The following MC2R variants were observed in gnomAD, a reference collection of about 807,000 sequenced individuals.
MC2R encodes adrenocorticotropic hormone receptor.
A neutral mutation model predicts 9.8 loss-of-function variants in MC2R; 9 were observed. The observed-to-expected ratio is 0.92, with a 90% CI of 0.55 to 1.60. MC2R has a LOEUF of 1.60. Among genes scored for constraint, MC2R ranks in the 40% most tolerant of loss-of-function variants. The pLI, the probability that MC2R is intolerant of heterozygous loss-of-function variation, is 0.00. For synonymous variants in MC2R, 185 were observed against 154.7 expected (o/e 1.20, Z -1.45); for missense variants, 370 against 389.0 (o/e 0.95, Z 0.41).
chr18:13,901,170 A>C (rs1406616867), intron 1 of MC2R, among the ~76,000 whole-genome samples: 1 of 152,162 alleles, frequency 6.6e-6, no homozygotes, highest in Non-Finnish European at 1.5e-5. Context: ...AAATTAAATA[A>C]ATTGAAAAAT....
rs1053257976 is a variant in MC2R, at chr18:13,883,668, G to A, written c.*957C>T. ...TCTCTCTCTCTCTCTGTCTGTCTCT[G>A]TCTCTCTCTCTTTATTTCTTAAAAT... On this transcript the variant is annotated 3_prime_UTR_variant, in exon 2 of 2. Coordinates refer to ENST00000327606, the MANE Select transcript of MC2R (RefSeq NM_000529.2). 8.2e-6 allele frequency: 1 copy of A among 121,432 alleles called. No individual in the cohort carries two copies. Among genetic ancestry groups the A allele is most frequent in the Non-Finnish European group, 1.8e-5 (1 of 54,378 alleles). 7.5% of individuals were successfully genotyped at this position (121,432 alleles called of 1,614,324 possible). A position where few individuals can be genotyped will look rare whatever the true frequency, so the allele number is the denominator to read the frequency against.
rs571288709 is a variant in MC2R at position 13,894,945 on chromosome 18, C to T, written c.-128-9299G>A. Among the ~76,000 whole-genome samples, 265 of 152,356 alleles carry T rather than the reference C, an allele frequency of 1.7e-3. 1 individual carries two copies. The highest frequency in any genetic ancestry group is 2.9e-3 in the Non-Finnish European group (200 of 68,042). On this transcript the variant is annotated intron_variant, in intron 1 of 1. Transcript: ENST00000327606. ...ACACCACAGCGTGTTTTGTTCTTGG[C>T]TTGCGTGTGGCAGGCGACACTCTCT...
At position 13,884,689 on chromosome 18, in the gene MC2R, G is replaced by C; in HGVS notation, c.830C>G (p.Ala277Gly). 6.2e-7 allele frequency: 1 copy of C among 1,614,110 alleles called. No homozygotes were observed. The highest frequency in any genetic ancestry group is 8.5e-7 in the Non-Finnish European group (1 of 1,180,020). The change falls in exon 2 of 2, where the codon GCC becomes GGC. Residue 277 changes from alanine to glycine, a missense_variant. Physicochemically the swap from Ala to Gly is moderately conservative, Grantham distance 60. Transcript: ENST00000327606. Reference protein sequence around the residue: ...CNAVIDPFIYAFRSPELRDAF... With the variant: ...CNAVIDPFIYGFRSPELRDAF... ...GTCCCTGAGCTCTGGGCTCCGGAAG[G>C]CATATATGAAGGGGTCAATGACGGC... is the stretch of plus-strand genomic sequence containing the variant.
At chr18:13,908,123 T>A (rs919717792) in intron 1 of MC2R, among the ~76,000 whole-genome samples, 1 of 152,254 alleles carries the variant, frequency 6.6e-6, no homozygotes, top group African/African-American at 2.4e-5. Flanking sequence ...AAATATGGAC[T>A]CGACCTAAGT....
In MC2R at chr18:13,884,518, T is replaced by C. The variant is rs2045259429; in HGVS notation, c.*107A>G. On this transcript the variant is annotated 3_prime_UTR_variant, in exon 2 of 2. Transcript: ENST00000327606. The stretch of plus-strand genomic sequence containing the variant: ...CTGGTGGGATCATCCTTGCATCCAT[T>C]AGGGAAGGAAGGCCAGTGAGGAGCA... 8.1e-7 allele frequency: 1 copy of C among 1,231,138 alleles called. No homozygotes were observed. The highest frequency in any genetic ancestry group is 1.5e-5 in the African/African-American group (1 of 67,702). The allele number at this position is 1,231,138 out of a possible 1,614,324, so 76.3% of individuals were successfully genotyped here. A position where few individuals can be genotyped will look rare whatever the true frequency, so the allele number is the denominator to read the frequency against.
intron 1 of MC2R, among the ~76,000 whole-genome samples, chr18:13,899,648 C>A (rs2045367055): frequency 6.6e-6 from 1 of 152,118 alleles, no homozygotes; most frequent in Non-Finnish European, 1.5e-5. Flanking sequence ...AGTTTCAATA[C>A]ACCTGGCTCA....
chr18:13,910,080 C>T (rs1174949440), intron 1 of MC2R, among the ~76,000 whole-genome samples: 3 of 152,012 alleles, frequency 2.0e-5, no homozygotes, highest in Non-Finnish European at 4.4e-5. Context: ...GATCATTTGG[C>T]GTTAAGTTTT....
intron 1 of MC2R, among the ~76,000 whole-genome samples, chr18:13,892,850 C>T (rs1231055930): frequency 6.6e-6 from 1 of 150,564 alleles, no homozygotes; most frequent in Non-Finnish European, 1.5e-5. Context: ...ACACACACCA[C>T]ACACACACAT....
At chr18:13,911,309 G>A (rs950508051) in intron 1 of MC2R, among the ~76,000 whole-genome samples, 1 of 152,106 alleles carries the variant, frequency 6.6e-6, no homozygotes, top group African/African-American at 2.4e-5. Context: ...TCAAGTCCTT[G>A]TTTTACCTTA....
chr18:13,896,501 C>A (rs2045346979), intron 1 of MC2R, among the ~76,000 whole-genome samples: 1 of 151,802 alleles, frequency 6.6e-6, no homozygotes, highest in African/African-American at 2.4e-5. Flanking sequence ...AATGACAGTT[C>A]AGAGAAAGGA....
intron 1 of MC2R, among the ~76,000 whole-genome samples, chr18:13,901,678 C>A (rs1181651158): frequency 2.0e-5 from 3 of 151,990 alleles, no homozygotes; most frequent in African/African-American, 7.2e-5. Flanking sequence ...CAAGATTGAA[C>A]CAGGAAGAAA....
chr18:13,889,837 T>C (rs1298876164), intron 1 of MC2R, among the ~76,000 whole-genome samples: 1 of 152,162 alleles, frequency 6.6e-6, no homozygotes, highest in Non-Finnish European at 1.5e-5. Flanking sequence ...TTGTTGACAA[T>C]ACAAGGGAGT....
chr18:13,884,529 G>A lies in MC2R; in HGVS notation c.*96C>T. 4 of 1,326,082 alleles carry A rather than the reference G, an allele frequency of 3.0e-6. No individual in the cohort carries two copies. In the South Asian group the frequency reaches 4.7e-5, roughly 16 times the overall value. 82.1% of individuals were successfully genotyped at this position (1,326,082 alleles called of 1,614,324 possible). A position where few individuals can be genotyped will look rare whatever the true frequency, so the allele number is the denominator to read the frequency against. ...ATCCTTGCATCCATTAGGGAAGGAA[G>A]GCCAGTGAGGAGCACTGGCATTTGT... On this transcript the variant is annotated 3_prime_UTR_variant, in exon 2 of 2. Coordinates refer to ENST00000327606, the MANE Select transcript of MC2R (RefSeq NM_000529.2).
rs372903235 is a variant in MC2R at position 13,898,580 on chromosome 18, T to G, written c.-128-12934A>C. Among the ~76,000 whole-genome samples the G allele has an allele frequency of 1.6e-4, 24 of 152,332 alleles. No individual in the cohort carries two copies. In the East Asian group the frequency reaches 2.1e-3, roughly 13 times the overall value. ...GCAGGCCTGGGGTGAGACTGAGTGC[T>G]GTGCTGGCTTTGGGTCTGACCCAGC... On this transcript the variant is annotated intron_variant, in intron 1 of 1. Coordinates refer to ENST00000327606, the MANE Select transcript of MC2R (RefSeq NM_000529.2).
intron 1 of MC2R, among the ~76,000 whole-genome samples, chr18:13,890,691 C>G (rs2045310740): frequency 6.6e-6 from 1 of 152,122 alleles, no homozygotes; most frequent in African/African-American, 2.4e-5. Flanking sequence ...GCCCAATACA[C>G]TTATGTCTGT....
At chr18:13,909,931 A>T (rs116264677) in intron 1 of MC2R, among the ~76,000 whole-genome samples, 2,476 of 152,288 alleles carry the variant, frequency 0.016, 63 homozygotes, top group African/African-American at 0.055. Context: ...AAATTTTAAT[A>T]AAGTCTATTA....
chr18:13,893,619 C>T (rs2045329770), intron 1 of MC2R, among the ~76,000 whole-genome samples: 1 of 152,154 alleles, frequency 6.6e-6, no homozygotes, highest in African/African-American at 2.4e-5. Flanking sequence ...TCAGCCGGCC[C>T]AGCTGTCGCC....
chr18:13,900,442 A>G (rs1416851232), intron 1 of MC2R, among the ~76,000 whole-genome samples: 2 of 152,140 alleles, frequency 1.3e-5, no homozygotes, highest in African/African-American at 4.8e-5. Context: ...AAACTCTCCA[A>G]TTAGAAGACA....
At chr18:13,898,473 G>C (rs1289373662) in intron 1 of MC2R, among the ~76,000 whole-genome samples, 1 of 152,232 alleles carries the variant, frequency 6.6e-6, no homozygotes, top group African/African-American at 2.4e-5. Context: ...GAAAGACACA[G>C]GCCTGGCTGG....
Sources: allele counts gnomAD v4.1 joint callset (sites outside exome capture counted in the v4.1 genomes callset), GRCh38; gene constraint gnomAD v4.1.1; transcripts MANE v1.5; gene names NCBI Gene and HGNC (gene_info 2026-07-23, HGNC 2026-07-21).